The following XKR5 variants were observed in gnomAD, a reference collection of about 807,000 sequenced individuals.
XKR5 encodes the protein XK related 5.
In XKR5, 46 loss-of-function variants were observed where a neutral mutation model predicts 40.8. The observed-to-expected ratio is 1.13, with a 90% CI of 0.89 to 1.44. The LOEUF (loss-of-function observed/expected upper bound fraction) is 1.44, where lower values mean the gene tolerates loss of function less well. XKR5 is among the 40% of genes most tolerant of loss of function. The pLI is 0.00. For missense variants in XKR5, 1,169 were observed against 844.7 expected (o/e 1.38, Z -4.76); for synonymous variants, 466 against 356.1 (o/e 1.31, Z -3.48).
intron 2 of XKR5, among the ~76,000 whole-genome samples, chr8:6,828,498 G>A (rs1370859720): frequency 1.3e-5 from 2 of 152,332 alleles, no homozygotes; most frequent in African/African-American, 2.4e-5. Flanking sequence ...GAGCTGTCTC[G>A]AACCCATTGC....
At chr8:6,813,734 C>G (rs1171723640) in intron 6 of XKR5, among the ~76,000 whole-genome samples, 2 of 152,120 alleles carry the variant, frequency 1.3e-5, no homozygotes, top group Admixed American at 1.3e-4. Flanking sequence ...TCCCTACTCA[C>G]TGCCCGTGGC....
intron 3 of XKR5, among the ~76,000 whole-genome samples, chr8:6,824,945 C>A (rs1342389731): frequency 6.6e-6 from 1 of 152,172 alleles, no homozygotes; most frequent in Non-Finnish European, 1.5e-5. Flanking sequence ...TATGGGCTGA[C>A]TTTAGAACAT....
chr8:6,811,639 G>A lies in XKR5; in HGVS notation c.1620C>T (p.Ser540=). Residue 540 remains serine, a synonymous_variant, in exon 7 of 7, where the codon TCC becomes TCT. Coordinates refer to ENST00000618742, the MANE Select transcript of XKR5 (RefSeq NM_207411.5). ...QQRGGEGQQS[S]TLYFSATAEV... Reference sequence around the variant, plus strand: ...CTGCAGTGGCGCTGAAGTACAACGTGGAACTCTGCTGTCCTTCCCCTCCTC... The same window carrying A: ...CTGCAGTGGCGCTGAAGTACAACGTAGAACTCTGCTGTCCTTCCCCTCCTC... 6.5e-7 allele frequency: 1 copy of A among 1,537,508 alleles called. No individual in the cohort carries two copies. The highest frequency in any genetic ancestry group is 8.7e-7 in the Non-Finnish European group (1 of 1,146,986).
intron 2 of XKR5, among the ~76,000 whole-genome samples, chr8:6,832,174 G>A (rs1371155859): frequency 1.3e-5 from 2 of 152,114 alleles, no homozygotes; most frequent in Non-Finnish European, 2.9e-5. Flanking sequence ...GCCCTCACCT[G>A]TCGTGATGGT....
Position 6,822,013 on chromosome 8 carries a change from G to A in XKR5, c.663C>T (p.Phe221=), listed in dbSNP as rs748627660. 2 of 1,606,058 alleles carry A rather than the reference G, an allele frequency of 1.2e-6. No individual in the cohort carries two copies. The highest frequency in any genetic ancestry group is 1.7e-6 in the Non-Finnish European group (2 of 1,176,584). ...VAGAHWLVMT[F]WLVAQQSDII... ...TGTCACTCTGCTGGGCGACAAGCCA[G>A]AATGTCATCACCAGCCAGTGGGCAC... The change falls in exon 5 of 7, where the codon TTC becomes TTT. Residue 221 remains phenylalanine (F), a synonymous_variant. Transcript: ENST00000618742.
intron 6 of XKR5, among the ~76,000 whole-genome samples, chr8:6,815,199 C>T (rs73511991): frequency 0.012 from 1,881 of 152,306 alleles, 35 homozygotes; most frequent in African/African-American, 0.043. Context: ...GGCGGAATCC[C>T]TGCGGAACTC....
intron 5 of XKR5, among the ~76,000 whole-genome samples, chr8:6,818,766 G>C (rs1309275156): frequency 6.6e-6 from 1 of 152,234 alleles, no homozygotes; most frequent in African/African-American, 2.4e-5. Flanking sequence ...ACAACCAGCA[G>C]GGCTGAGGCC....
At position 6,824,128 on chromosome 8, in the gene XKR5, G is replaced by A. The variant is rs143924661; in HGVS notation, c.428-398C>T. Among the ~76,000 whole-genome samples, 71 of 152,316 alleles carry A rather than the reference G, an allele frequency of 4.7e-4. 1 individual carries two copies. The Middle Eastern group carries it at 0.01, about 22-fold the overall frequency. On this transcript the variant is annotated intron_variant, in intron 3 of 6. Coordinates refer to ENST00000618742, the MANE Select transcript of XKR5 (RefSeq NM_207411.5). ...GGTTCCACCCCAAATGTACTTTGCT[G>A]TTTTATCCATATGAAGGAGGTTTAA...
At chr8:6,831,873 G>A (rs1388477762) in intron 2 of XKR5, among the ~76,000 whole-genome samples, 1 of 151,978 alleles carries the variant, frequency 6.6e-6, no homozygotes, top group Non-Finnish European at 1.5e-5. Context: ...AAATTAGCCG[G>A]GCATGGTGGC....
intron 6 of XKR5, among the ~76,000 whole-genome samples, chr8:6,815,492 C>T (rs901632323): frequency 6.6e-6 from 1 of 152,128 alleles, no homozygotes; most frequent in East Asian, 1.9e-4. Context: ...AGGAGCTCCC[C>T]TAGGTGGGAG....
chr8:6,825,043 C>G, intron 3 of XKR5, 122 bp downstream of exon 3: 1 of 1,167,470 alleles, frequency 8.6e-7, no homozygotes, highest in Non-Finnish European at 1.2e-6. Context: ...CCAGTGAGCT[C>G]AAGGTGCCCT....
At chr8:6,823,453 T>G in intron 4 of XKR5, 68 bp downstream of exon 4, 1 of 1,496,868 alleles carries the variant, frequency 6.7e-7, no homozygotes, top group East Asian at 2.5e-5. Context: ...GTGGTTATTC[T>G]TGAGACCTTC....
In XKR5 at chr8:6,811,024, A is replaced by G; in HGVS notation, c.*174T>C. On this transcript the variant is annotated 3_prime_UTR_variant, in exon 7 of 7. Transcript: ENST00000618742. ...GTGGGGTCTGTGATGTTTGCATTGG[A>G]CCTGCAAAATCATCCAGCCCTGTTT... 1 of 660,952 alleles carries G rather than the reference A, an allele frequency of 1.5e-6. No homozygotes were observed. Among genetic ancestry groups the G allele is most frequent in the Non-Finnish European group, 2.5e-6 (1 of 398,152 alleles). The allele number at this position is 660,952 out of a possible 1,614,324, so 40.9% of individuals were successfully genotyped here.
At chr8:6,823,459 C>A (rs1223467994) in intron 4 of XKR5, 62 bp downstream of exon 4, 2 of 1,506,530 alleles carry the variant, frequency 1.3e-6, no homozygotes, top group South Asian at 1.2e-5. Flanking sequence ...ATTCTTGAGA[C>A]CTTCATTTCT....
chr8:6,816,165 G>T (rs770230034), intron 5 of XKR5, among the ~76,000 whole-genome samples: 2 of 152,128 alleles, frequency 1.3e-5, no homozygotes, highest in Non-Finnish European at 2.9e-5. Context: ...CCCAGGAAAT[G>T]TAAGGGCATC....
Position 6,815,689 on chromosome 8 carries a change from G to C in XKR5, c.919+118C>G, listed in dbSNP as rs1490939090. 4.4e-6 allele frequency: 3 copies of C among 680,756 alleles called. No individual in the cohort carries two copies. The South Asian group carries it at 5.5e-5, about 12-fold the overall frequency. The allele number at this position is 680,756 out of a possible 1,614,324, so 42.2% of individuals were successfully genotyped here. A position where few individuals can be genotyped will look rare whatever the true frequency, so the allele number is the denominator to read the frequency against. On this transcript the variant is annotated intron_variant, in intron 6 of 6. Coordinates refer to ENST00000618742, the MANE Select transcript of XKR5 (RefSeq NM_207411.5). ...TGCCCCCCACATCGCAGTGAGCCTGGTTCCTTGGTCTCCAGTTAACCACAT... is the reference window on the plus strand; with the variant it reads ...TGCCCCCCACATCGCAGTGAGCCTGCTTCCTTGGTCTCCAGTTAACCACAT...
intron 2 of XKR5, 107 bp downstream of exon 2, chr8:6,832,610 A>C: frequency 4.2e-6 from 6 of 1,444,686 alleles, no homozygotes; most frequent in Non-Finnish European, 5.7e-6. Flanking sequence ...CCTCTTCCCA[A>C]TGCTGAACTT....
chr8:6,816,582 TA>T (rs1040038308), intron 5 of XKR5, among the ~76,000 whole-genome samples: 1 of 151,588 alleles, frequency 6.6e-6, no homozygotes, highest in African/African-American at 2.4e-5. Flanking sequence ...TTAAAATAAG[TA>T]AACAAATGAC....
Position 6,811,970 on chromosome 8 carries a change from G to T in XKR5, c.1289C>A (p.Ala430Asp). 1.3e-6 allele frequency: 2 copies of T among 1,537,296 alleles called. No homozygotes were observed. Among genetic ancestry groups the T allele is most frequent in the Middle Eastern group, 1.7e-4 (1 of 5,990 alleles). ...INAAFGDNSP[A>D]YCPPAWGLSQ... The stretch of plus-strand genomic sequence containing the variant: ...CAACCCCCATGCAGGTGGACAATAG[G>T]CAGGACTGTTATCTCCAAAGGCGGC... Residue 430 changes from alanine (A) to aspartate (D), a missense_variant, in exon 7 of 7, where the codon GCC becomes GAC. Transcript: ENST00000618742.
Sources: gnomAD v4.1 joint callset for allele counts (sites outside exome capture counted in the v4.1 genomes callset) on GRCh38, gnomAD v4.1.1 for gene constraint, MANE v1.5 for transcripts, NCBI Gene and HGNC (gene_info 2026-07-23, HGNC 2026-07-21) for gene names.